OSBPL1A: variants seen among roughly 807,000 people sequenced by gnomAD.
The protein encoded by OSBPL1A is oxysterol binding protein like 1A, also known as oxysterol-binding protein-related protein 1.
In OSBPL1A, 80 loss-of-function variants were observed where a neutral mutation model predicts 137.1. That is an observed-to-expected ratio of 0.58 (90% CI 0.49 to 0.70). OSBPL1A has a LOEUF of 0.70. Ranked by LOEUF, OSBPL1A falls within the 30% of genes least tolerant of loss-of-function variation. The pLI, the probability that OSBPL1A is intolerant of heterozygous loss-of-function variation, is 0.00. For synonymous variants in OSBPL1A, 365 were observed against 389.7 expected (o/e 0.94, Z 0.75); for missense variants, 970 against 1,129.4 (o/e 0.86, Z 2.02).
chr18:24,384,612 G>T lies in OSBPL1A; in HGVS notation c.-2-7077C>A, dbSNP rs151304172. Among the ~76,000 whole-genome samples, 1,445 of 152,030 alleles carry T rather than the reference G, an allele frequency of 9.5e-3. 28 individuals are homozygous for T. The highest frequency in any genetic ancestry group is 0.034 in the African/African-American group (1,400 of 41,454). On this transcript the variant is annotated intron_variant, in intron 1 of 27. Transcript: ENST00000319481. ...GGCCGGGGGCGGGTGGCTCATGCCT[G>T]TCATCCCAGCACTTTGCGAGGCCAA... is the stretch of plus-strand genomic sequence containing the variant.
In OSBPL1A at chr18:24,162,885, T is replaced by A. The variant is rs2086052370; in HGVS notation, c.*294A>T. On this transcript the variant is annotated 3_prime_UTR_variant, in exon 28 of 28. Transcript: ENST00000319481. ...GTTACATTTAGGTATAAACCTTCAG[T>A]AAATATGGCAACAGCAACCATAAAA... is the stretch of plus-strand genomic sequence containing the variant. 1 of 223,806 alleles carries A rather than the reference T, an allele frequency of 4.5e-6. No individual in the cohort carries two copies. The highest frequency in any genetic ancestry group is 2.4e-5 in the African/African-American group (1 of 42,530). 13.9% of individuals were successfully genotyped at this position (223,806 alleles called of 1,614,324 possible).
intron 17 of OSBPL1A, among the ~76,000 whole-genome samples, chr18:24,197,920 G>A (rs2087085432): frequency 6.6e-6 from 1 of 151,532 alleles, no homozygotes; most frequent in African/African-American, 2.4e-5. Flanking sequence ...CCGAGTAGCT[G>A]GGATTTCAGG....
chr18:24,218,785 T>C (rs2087792062), intron 17 of OSBPL1A, among the ~76,000 whole-genome samples: 1 of 152,152 alleles, frequency 6.6e-6, no homozygotes, highest in African/African-American at 2.4e-5. Context: ...TATTATATAC[T>C]TGAAAATCAC....
chr18:24,255,375 T>C (rs1483994384), intron 15 of OSBPL1A, among the ~76,000 whole-genome samples: 1 of 152,244 alleles, frequency 6.6e-6, no homozygotes. Context: ...AAAATAAATC[T>C]TGGGGCCCCC....
intron 23 of OSBPL1A, among the ~76,000 whole-genome samples, chr18:24,170,985 A>AG (rs1260420363): frequency 2.0e-5 from 3 of 151,524 alleles, no homozygotes; most frequent in Admixed American, 6.6e-5. Flanking sequence ...TCCTTGTAGA[A>AG]GAAAGATTCT....
intron 4 of OSBPL1A, chr18:24,364,919 G>A (rs1163800879): frequency 6.6e-6 from 1 of 151,734 alleles, no homozygotes; most frequent in Admixed American, 6.6e-5. Context: ...AGGCTGAGAG[G>A]GGAAGATCAC....
intron 12 of OSBPL1A, 90 bp from the exon 13 acceptor site, chr18:24,312,196 C>T (rs1299986396): frequency 6.8e-7 from 1 of 1,472,432 alleles, no homozygotes; most frequent in Non-Finnish European, 9.2e-7. Context: ...ATAAAATTTA[C>T]CTAGTGAAAT....
chr18:24,388,637 TAA>T (rs1907102021), intron 1 of OSBPL1A, among the ~76,000 whole-genome samples: 1 of 151,728 alleles, frequency 6.6e-6, no homozygotes, highest in African/African-American at 2.4e-5. Flanking sequence ...CCGTCTCTAC[TAA>T]AAGTACAAAA....
intron 15 of OSBPL1A, among the ~76,000 whole-genome samples, chr18:24,250,055 T>C (rs2089029832): frequency 6.6e-6 from 1 of 152,108 alleles, no homozygotes; most frequent in Admixed American, 6.5e-5. Flanking sequence ...TTGTCATGCA[T>C]CTAGGATACC....
intron 4 of OSBPL1A, among the ~76,000 whole-genome samples, chr18:24,362,280 A>G (rs72886772): frequency 0.015 from 2,336 of 152,314 alleles, 32 homozygotes; most frequent in Non-Finnish European, 0.024. Flanking sequence ...TAGTCAGGCA[A>G]ATCGAGCCAT....
chr18:24,313,785 C>T (rs1376164709), intron 12 of OSBPL1A, among the ~76,000 whole-genome samples: 1 of 152,084 alleles, frequency 6.6e-6, no homozygotes, highest in African/African-American at 2.4e-5. Context: ...ATTCATGTAC[C>T]AAATTTTAAA....
At chr18:24,348,277 C>T (rs2091381112) in intron 4 of OSBPL1A, among the ~76,000 whole-genome samples, 1 of 152,044 alleles carries the variant, frequency 6.6e-6, no homozygotes, top group South Asian at 2.1e-4. Context: ...AAGACTTAAA[C>T]AATTATTTCC....
At chr18:24,197,478 T>A (rs1282660914) in intron 17 of OSBPL1A, among the ~76,000 whole-genome samples, 1 of 152,246 alleles carries the variant, frequency 6.6e-6, no homozygotes, top group African/African-American at 2.4e-5. Context: ...TTAATTTGGA[T>A]TATAGAAGTT....
chr18:24,178,268 A>G (rs2086506887), intron 20 of OSBPL1A, 73 bp from the exon 21 acceptor site: 2 of 1,287,112 alleles, frequency 1.6e-6, no homozygotes, highest in African/African-American at 3.0e-5. Context: ...AAACATGTAC[A>G]TAATTGCCCT....
chr18:24,312,086 T>G lies in OSBPL1A; in HGVS notation c.990A>C (p.Glu330Asp). The G allele has an allele frequency of 6.2e-7, 1 of 1,614,022 alleles. No individual in the cohort carries two copies. Among genetic ancestry groups the G allele is most frequent in the Non-Finnish European group, 8.5e-7 (1 of 1,179,930 alleles). Residue 330 changes from glutamate (E) to aspartate (D), a missense_variant, in exon 13 of 28, where the codon GAA becomes GAC. This residue lies in a region of OSBPL1A where 647 missense variants were observed against 672.6 expected (regional missense o/e 0.96). Transcript: ENST00000319481. Reference sequence around the variant, plus strand: ...AGTGAGTGCTGTAAGCAGAATGTTCTTCTATTGCTTCCAGCCAGTCCTGAA... The same window carrying G: ...AGTGAGTGCTGTAAGCAGAATGTTCGTCTATTGCTTCCAGCCAGTCCTGAA... ...QSREDWLEAI[E>D]EHSAYSTHYC...
Position 24,366,952 on chromosome 18 carries a change from C to T in OSBPL1A, c.222G>A (p.Val74=). 6.2e-7 allele frequency: 1 copy of T among 1,611,642 alleles called. No individual in the cohort carries two copies. The highest frequency in any genetic ancestry group is 8.5e-7 in the Non-Finnish European group (1 of 1,178,900). Reference sequence around the variant, plus strand: ...TGTCTCCCATGTCATTCAACACATTCACTTCTGCACCAGCCTAGTAAACAT... The same window carrying T: ...TGTCTCCCATGTCATTCAACACATTTACTTCTGCACCAGCCTAGTAAACAT... The part of the protein sequence containing the change: ...VQDLLKAGAE[V]NVLNDMGDTP... The change falls in exon 4 of 28, where the codon GTG becomes GTA. Residue 74 remains valine, a synonymous_variant. Transcript: ENST00000319481.
At chr18:24,211,718 C>A (rs190017056) in intron 17 of OSBPL1A, among the ~76,000 whole-genome samples, 83 of 151,460 alleles carry the variant, frequency 5.5e-4, no homozygotes, top group African/African-American at 2.0e-3. Flanking sequence ...AATCCTAGCA[C>A]TTCAGGAGGC....
At chr18:24,384,120 A>G (rs1373553244) in intron 1 of OSBPL1A, among the ~76,000 whole-genome samples, 1 of 152,254 alleles carries the variant, frequency 6.6e-6, no homozygotes, top group African/African-American at 2.4e-5. Context: ...AAGTTCACCA[A>G]GATCACAGGG....
intron 14 of OSBPL1A, among the ~76,000 whole-genome samples, chr18:24,288,961 G>C (rs1373712891): frequency 1.3e-5 from 2 of 152,124 alleles, no homozygotes; most frequent in Non-Finnish European, 2.9e-5. Flanking sequence ...AAGCTAAGCA[G>C]AGTCAAGCCT....
Sources: gnomAD v4.1 joint callset for allele counts (sites outside exome capture counted in the v4.1 genomes callset) on GRCh38, gnomAD v4.1.1 for gene constraint, gnomAD v4.1.1 regional missense constraint, MANE v1.5 for transcripts, NCBI Gene and HGNC (gene_info 2026-07-23, HGNC 2026-07-21) for gene names.